Variants in CAMK2D observed in about 807,000 individuals in gnomAD.
The protein encoded by CAMK2D is calcium/calmodulin dependent protein kinase II delta.
Under a neutral mutation model 84.0 loss-of-function variants are expected in CAMK2D, and 37 were observed. The observed-to-expected ratio is 0.44, with a 90% CI of 0.34 to 0.58. The LOEUF (loss-of-function observed/expected upper bound fraction) is 0.58. CAMK2D is among the 20% of genes least tolerant of loss of function. CAMK2D has a pLI of 0.02. For missense variants in CAMK2D, 448 were observed against 652.5 expected (o/e 0.69, Z 3.41); for synonymous variants, 202 against 212.5 (o/e 0.95, Z 0.43).
chr4:113,744,022 A>G (rs2099598869), intron 2 of CAMK2D, among the ~76,000 whole-genome samples: 1 of 151,962 alleles, frequency 6.6e-6, no homozygotes, highest in Non-Finnish European at 1.5e-5. Flanking sequence ...TTGTATTTTT[A>G]GTAGAGAAGG....
chr4:113,504,416 T>C (rs548518459), intron 14 of CAMK2D, among the ~76,000 whole-genome samples: 1 of 152,326 alleles, frequency 6.6e-6, no homozygotes, highest in South Asian at 2.1e-4. Flanking sequence ...GAAAATTTAA[T>C]TTAAAACATA....
At chr4:113,654,120 G>A (rs576520854) in intron 3 of CAMK2D, among the ~76,000 whole-genome samples, 1 of 152,032 alleles carries the variant, frequency 6.6e-6, no homozygotes, top group African/African-American at 2.4e-5. Flanking sequence ...CAGATTGTGT[G>A]TTTTTCATCT....
At chr4:113,669,215 A>G (rs1224574211) in intron 2 of CAMK2D, among the ~76,000 whole-genome samples, 4 of 152,226 alleles carry the variant, frequency 2.6e-5, no homozygotes, top group Admixed American at 2.6e-4. Context: ...TCCTTTTAAA[A>G]TTATAAACTA....
chr4:113,713,987 A>G (rs1325602015), intron 2 of CAMK2D, among the ~76,000 whole-genome samples: 1 of 151,980 alleles, frequency 6.6e-6, no homozygotes, highest in Admixed American at 6.6e-5. Context: ...TTTAAAACAA[A>G]TATATCCTTC....
chr4:113,468,989 A>T (rs1399493956), intron 16 of CAMK2D, among the ~76,000 whole-genome samples: 1 of 152,240 alleles, frequency 6.6e-6, no homozygotes. Context: ...AAAAGGAAAA[A>T]GAGAAAACCA....
chr4:113,613,225 T>G (rs2099007815), intron 3 of CAMK2D, among the ~76,000 whole-genome samples: 1 of 152,154 alleles, frequency 6.6e-6, no homozygotes, highest in Admixed American at 6.6e-5. Flanking sequence ...TACAAATGAA[T>G]GTTCACAGGC....
Position 113,761,595 on chromosome 4 carries a change from G to T in CAMK2D, c.-527C>A. The T allele has an allele frequency of 1.0e-6, 1 of 985,032 alleles. No homozygotes were observed. The highest frequency in any genetic ancestry group is 1.2e-6 in the Non-Finnish European group (1 of 829,730). The allele number at this position is 985,032 out of a possible 1,614,324, so 61.0% of individuals were successfully genotyped here. On this transcript the variant is annotated 5_prime_UTR_variant, in exon 1 of 21. Coordinates refer to ENST00000511664, the MANE Select transcript of CAMK2D (RefSeq NM_001321571.2). Reference sequence around the variant, plus strand: ...CGCTGTCAGCAGGCTCAGGCGCGGGGCGCGCCGGGGCTCCGACGAGCGTGC... The same window carrying T: ...CGCTGTCAGCAGGCTCAGGCGCGGGTCGCGCCGGGGCTCCGACGAGCGTGC...
intron 2 of CAMK2D, among the ~76,000 whole-genome samples, chr4:113,717,811 C>T (rs139708177): frequency 6.6e-6 from 1 of 151,876 alleles, no homozygotes. Context: ...ATTAATATAA[C>T]TATATTAAAG....
intron 6 of CAMK2D, among the ~76,000 whole-genome samples, chr4:113,538,634 T>C (rs2098509577): frequency 1.3e-5 from 2 of 152,326 alleles, no homozygotes; most frequent in South Asian, 4.1e-4. Context: ...TGTCATGCTT[T>C]AAAAATCAAA....
At chr4:113,638,876 TA>T in intron 3 of CAMK2D, among the ~76,000 whole-genome samples, 1 of 152,244 alleles carries the variant, frequency 6.6e-6, no homozygotes, top group South Asian at 2.1e-4. Context: ...AAAGTGAATG[TA>T]AAAATCTACT....
chr4:113,584,659 A>AG (rs1394532288), intron 4 of CAMK2D, among the ~76,000 whole-genome samples: 1 of 152,114 alleles, frequency 6.6e-6, no homozygotes, highest in South Asian at 2.1e-4. Flanking sequence ...ATTCCAGAGA[A>AG]GGGGGTGTAC....
rs778588924 is a variant in CAMK2D, at chr4:113,693,585, A to T, written c.161-31813T>A. ...TTCTCTTTGTGTCTAATTGTTTCTCATATTCCCTGCATTCCACCTGGGATG... is the reference window on the plus strand; with the variant it reads ...TTCTCTTTGTGTCTAATTGTTTCTCTTATTCCCTGCATTCCACCTGGGATG... On this transcript the variant is annotated intron_variant, in intron 2 of 20. Transcript: ENST00000511664. 3.3e-5 allele frequency among the ~76,000 whole-genome samples: 5 copies of T among 152,134 alleles called. No individual in the cohort carries two copies. In the South Asian group the frequency reaches 6.2e-4, roughly 19 times the overall value.
At chr4:113,733,166 A>C (rs2099573138) in intron 2 of CAMK2D, among the ~76,000 whole-genome samples, 1 of 152,200 alleles carries the variant, frequency 6.6e-6, no homozygotes, top group Non-Finnish European at 1.5e-5. Flanking sequence ...CTTAATGACT[A>C]ATGGTGATAT....
At chr4:113,645,610 A>T (rs920035336) in intron 3 of CAMK2D, among the ~76,000 whole-genome samples, 1 of 152,166 alleles carries the variant, frequency 6.6e-6, no homozygotes, top group Non-Finnish European at 1.5e-5. Flanking sequence ...CTTCATTTGA[A>T]AAGCAGCTTT....
chr4:113,458,474 C>T (rs2097331575), intron 18 of CAMK2D, among the ~76,000 whole-genome samples: 1 of 151,962 alleles, frequency 6.6e-6, no homozygotes, highest in Non-Finnish European at 1.5e-5. Context: ...CCTAAATACC[C>T]CATTATGAAG....
chr4:113,683,870 C>T (rs185876337), intron 2 of CAMK2D, among the ~76,000 whole-genome samples: 1 of 152,320 alleles, frequency 6.6e-6, no homozygotes, highest in African/African-American at 2.4e-5. Flanking sequence ...CTGTGTGCAA[C>T]ACAATATAGT....
At chr4:113,567,134 A>G (rs1490449139) in intron 4 of CAMK2D, among the ~76,000 whole-genome samples, 1 of 151,650 alleles carries the variant, frequency 6.6e-6, no homozygotes, top group Non-Finnish European at 1.5e-5. Flanking sequence ...GACCCCAAAC[A>G]TAACAACTGA....
At chr4:113,669,448 G>A (rs552242746) in intron 2 of CAMK2D, among the ~76,000 whole-genome samples, 2 of 152,258 alleles carry the variant, frequency 1.3e-5, no homozygotes, top group African/African-American at 4.8e-5. Context: ...AAAAGTGGGA[G>A]CATAATTGTG....
intron 3 of CAMK2D, among the ~76,000 whole-genome samples, chr4:113,634,660 C>T (rs1205475100): frequency 1.3e-5 from 2 of 152,162 alleles, no homozygotes; most frequent in East Asian, 3.8e-4. Context: ...GTAGAATTAG[C>T]ACTAGAGCGT....
Sources: gnomAD v4.1 joint callset for allele counts (sites outside exome capture counted in the v4.1 genomes callset) on GRCh38, gnomAD v4.1.1 for gene constraint, MANE v1.5 for transcripts, NCBI Gene and HGNC (gene_info 2026-07-23, HGNC 2026-07-21) for gene names.